Variants in PRKN observed in about 807,000 individuals in gnomAD.
PRKN encodes E3 ubiquitin-protein ligase parkin.
Under a neutral mutation model 59.5 loss-of-function variants are expected in PRKN, and 56 were observed. The observed-to-expected ratio is 0.94, with a 90% CI of 0.76 to 1.18. The LOEUF is 1.18. Among genes scored for constraint, PRKN ranks in the 50% most tolerant of loss-of-function variants. PRKN has a pLI of 0.00. For missense variants in PRKN, 657 were observed against 596.4 expected (o/e 1.10, Z -1.06); for synonymous variants, 250 against 222.1 (o/e 1.13, Z -1.12).
At chr6:162,630,965 T>C (rs566583859) in intron 1 of PRKN, among the ~76,000 whole-genome samples, 1 of 152,296 alleles carries the variant, frequency 6.6e-6, no homozygotes, top group East Asian at 1.9e-4. Context: ...AAAGGAATTT[T>C]GATCAAATTG....
intron 7 of PRKN, among the ~76,000 whole-genome samples, chr6:161,672,629 A>T (rs1784950875): frequency 6.6e-6 from 1 of 152,130 alleles, no homozygotes; most frequent in South Asian, 2.1e-4. Flanking sequence ...TACAAAAATT[A>T]GCTGGGTGTG....
chr6:162,612,647 T>C (rs1174134675), intron 1 of PRKN, among the ~76,000 whole-genome samples: 2 of 149,970 alleles, frequency 1.3e-5, no homozygotes, highest in African/African-American at 4.9e-5. Flanking sequence ...AACCAAAACG[T>C]TGCCTTAAAC....
intron 6 of PRKN, among the ~76,000 whole-genome samples, chr6:161,875,077 G>A (rs1390214618): frequency 3.3e-4 from 27 of 82,766 alleles, no homozygotes; most frequent in Non-Finnish European, 5.4e-4. Flanking sequence ...TATATATAAA[G>A]TATATATGAT....
chr6:162,616,455 A>G (rs1782422133), intron 1 of PRKN, among the ~76,000 whole-genome samples: 1 of 152,150 alleles, frequency 6.6e-6, no homozygotes, highest in Admixed American at 6.6e-5. Flanking sequence ...CATAAATATT[A>G]TTTATAAAAA....
At chr6:161,567,584 CGT>C (rs1407936293) in intron 8 of PRKN, among the ~76,000 whole-genome samples, 5 of 151,822 alleles carry the variant, frequency 3.3e-5, no homozygotes, top group Admixed American at 2.0e-4. Context: ...TGTGTTTGCG[CGT>C]GTGTTTGCGT....
intron 2 of PRKN, among the ~76,000 whole-genome samples, chr6:162,359,604 A>C (rs191419189): frequency 2.7e-5 from 4 of 147,950 alleles, no homozygotes; most frequent in East Asian, 2.0e-4. Flanking sequence ...AAAAAAAAAA[A>C]CATAAACATG....
intron 7 of PRKN, among the ~76,000 whole-genome samples, chr6:161,677,095 G>A (rs1717148068): frequency 6.6e-6 from 1 of 152,134 alleles, no homozygotes; most frequent in African/African-American, 2.4e-5. Flanking sequence ...GTCATAAAAT[G>A]CCCCAGATGC....
Position 161,550,830 on chromosome 6 carries a change from C to T in PRKN, c.934-1827G>A, listed in dbSNP as rs952170192. Among the ~76,000 whole-genome samples, 5 of 151,476 alleles carry T rather than the reference C, an allele frequency of 3.3e-5. No homozygotes were observed. Among genetic ancestry groups the T allele is most frequent in the Non-Finnish European group, 5.9e-5 (4 of 67,916 alleles). On this transcript the variant is annotated intron_variant, in intron 8 of 11. Transcript: ENST00000366898. This position sits in a 1 kb window ranked among gnomAD's most constrained non-coding sequence, Gnocchi z 4.0. The stretch of plus-strand genomic sequence containing the variant: ...TTCAGTTTGATAAGCTATTACACAG[C>T]GATGTCAAAATGTCCAGTATCTAAT...
rs562310402 is a variant in PRKN at position 162,608,845 on chromosome 6, C to T, written c.7+118817G>A. Among the ~76,000 whole-genome samples the T allele has an allele frequency of 3.3e-5, 5 of 152,272 alleles. No homozygotes were observed. In the East Asian group the frequency reaches 9.7e-4, roughly 30 times the overall value. On this transcript the variant is annotated intron_variant, in intron 1 of 11. Coordinates refer to ENST00000366898, the MANE Select transcript of PRKN (RefSeq NM_004562.3). ...GTGTGGGTGGTCAGAAGAGAGTACA[C>T]AGCCCTTTAGGACTGAAGGGACAGG...
chr6:161,632,339 C>G (rs985172055), intron 7 of PRKN, among the ~76,000 whole-genome samples: 1 of 152,080 alleles, frequency 6.6e-6, no homozygotes, highest in East Asian at 1.9e-4. Flanking sequence ...AAATGGCAAC[C>G]CAGGCAGACA....
chr6:162,647,803 C>T (rs1054760758), intron 1 of PRKN, among the ~76,000 whole-genome samples: 1 of 151,882 alleles, frequency 6.6e-6, no homozygotes, highest in Admixed American at 6.6e-5. Context: ...ACTTTATATT[C>T]CTTTTCTTGT....
intron 1 of PRKN, among the ~76,000 whole-genome samples, chr6:162,478,051 C>T (rs62428774): frequency 2.0e-5 from 3 of 152,084 alleles, no homozygotes; most frequent in South Asian, 2.1e-4. Context: ...GAGCACAGGG[C>T]GAACATGGTT....
At chr6:161,818,818 T>C (rs1006690067) in intron 6 of PRKN, among the ~76,000 whole-genome samples, 5 of 152,158 alleles carry the variant, frequency 3.3e-5, no homozygotes, top group Admixed American at 6.5e-5. Flanking sequence ...ACACACTTCA[T>C]AGAGCTACGA....
In PRKN at chr6:161,529,300, C is replaced by T. The variant is rs142235464; in HGVS notation, c.1083+19554G>A. On this transcript the variant is annotated intron_variant, in intron 9 of 11. Transcript: ENST00000366898. This position sits in a 1 kb window ranked among gnomAD's most constrained non-coding sequence, Gnocchi z 4.4. ...GATGTTGACACCTGGTTGTGGCTGA[C>T]GGCTGTGTCCCTCCAGCTGCCTCAC... 4.7e-4 allele frequency among the ~76,000 whole-genome samples: 71 copies of T among 152,268 alleles called. No individual in the cohort carries two copies. The highest frequency in any genetic ancestry group is 1.6e-3 in the African/African-American group (67 of 41,544).
chr6:161,899,195 T>C (rs1777785179), intron 6 of PRKN, among the ~76,000 whole-genome samples: 1 of 152,198 alleles, frequency 6.6e-6, no homozygotes, highest in Non-Finnish European at 1.5e-5. Context: ...GAGGCTGAAA[T>C]GAGAAACTTC....
At position 161,488,615 on chromosome 6, in the gene PRKN, A is replaced by G. The variant is rs150486978; in HGVS notation, c.1083+60239T>C. On this transcript the variant is annotated intron_variant, in intron 9 of 11. Coordinates refer to ENST00000366898, the MANE Select transcript of PRKN (RefSeq NM_004562.3). The surrounding 1 kb of genome is among the most constrained non-coding windows in gnomAD (Gnocchi z 4.5). Reference sequence around the variant, plus strand: ...ATCTTCCTGCCTCAGCCTCCTGAGTAGGTGGGACTAAAGGCATGCACCACC... The same window carrying G: ...ATCTTCCTGCCTCAGCCTCCTGAGTGGGTGGGACTAAAGGCATGCACCACC... 0.013 allele frequency among the ~76,000 whole-genome samples: 1,937 copies of G among 152,176 alleles called. 41 individuals are homozygous for G. Among genetic ancestry groups the G allele is most frequent in the African/African-American group, 0.044 (1,835 of 41,536 alleles).
At chr6:161,496,232 C>T (rs1246614153) in intron 9 of PRKN, among the ~76,000 whole-genome samples, 1 of 152,174 alleles carries the variant, frequency 6.6e-6, no homozygotes, top group Non-Finnish European at 1.5e-5. Context: ...CTGGGAGGAT[C>T]GAGTGGCCTG....
chr6:162,625,674 T>C (rs577171811), intron 1 of PRKN, among the ~76,000 whole-genome samples: 1 of 152,094 alleles, frequency 6.6e-6, no homozygotes, highest in East Asian at 1.9e-4. Context: ...TGTATTTATG[T>C]ATGTGTGTGT....
chr6:162,463,612 C>G (rs1228005493), intron 1 of PRKN, among the ~76,000 whole-genome samples: 1 of 152,184 alleles, frequency 6.6e-6, no homozygotes, highest in East Asian at 1.9e-4. Context: ...CCTGTGGAAA[C>G]TGGGGCCTGG....
Sources: gnomAD v4.1 joint callset for allele counts (sites outside exome capture counted in the v4.1 genomes callset) on GRCh38, gnomAD v4.1.1 for gene constraint, Gnocchi (gnomAD v3.1) non-coding constraint, MANE v1.5 for transcripts, NCBI Gene and HGNC (gene_info 2026-07-23, HGNC 2026-07-21) for gene names.